Variants in BOD1L1 observed in about 807,000 individuals in gnomAD.
BOD1L1 encodes the protein biorientation of chromosomes in cell division protein 1-like 1.
A neutral mutation model predicts 240.7 loss-of-function variants in BOD1L1; 86 were observed. The ratio of observed to expected loss-of-function variants is 0.36; its 90% CI spans 0.30 to 0.43. The LOEUF (loss-of-function observed/expected upper bound fraction) is 0.43. Ranked by LOEUF, BOD1L1 falls within the 20% of genes least tolerant of loss-of-function variation. The pLI, the probability that BOD1L1 is intolerant of heterozygous loss-of-function variation, is 1.00. For synonymous variants in BOD1L1, 1,268 were observed against 1,272.3 expected (o/e 1.00, Z 0.07); for missense variants, 3,554 against 3,643.5 (o/e 0.98, Z 0.63).
rs1234679303 is a variant in BOD1L1, at chr4:13,591,912, C to A, written c.8148+11G>T. ...ATAACCACAAAAATCAAAACCATTA[C>A]AGTGACTTACATTTAGTGATTCATT... On this transcript the variant is annotated intron_variant, in intron 13 of 25. Transcript: ENST00000040738. 4 of 1,547,286 alleles carry A rather than the reference C, an allele frequency of 2.6e-6. No homozygotes were observed. The highest frequency in any genetic ancestry group is 2.6e-6 in the Non-Finnish European group (3 of 1,146,160).
intron 6 of BOD1L1, 50 bp from the exon 7 acceptor site, chr4:13,609,456 A>C: frequency 8.4e-7 from 1 of 1,184,382 alleles, no homozygotes; most frequent in Non-Finnish European, 1.1e-6. Flanking sequence ...GCAAAAACAC[A>C]CTGAAAAATT....
rs1713280805 is a variant in BOD1L1 at position 13,582,128 on chromosome 4, A to C, written c.8592+109T>G. ...TGTTCCATTGCACTAAAAAAACCGC[A>C]GCTTCTTCAAAGTACTTAAGAAAAA... is the stretch of plus-strand genomic sequence containing the variant. On this transcript the variant is annotated intron_variant, in intron 19 of 25. Transcript: ENST00000040738. 5 of 830,368 alleles carry C rather than the reference A, an allele frequency of 6.0e-6. No homozygotes were observed. In the African/African-American group the frequency reaches 8.6e-5, roughly 14 times the overall value. 51.4% of individuals were successfully genotyped at this position (830,368 alleles called of 1,614,324 possible).
At chr4:13,586,968 C>T (rs1713757138) in intron 16 of BOD1L1, among the ~76,000 whole-genome samples, 1 of 152,054 alleles carries the variant, frequency 6.6e-6, no homozygotes, top group South Asian at 2.1e-4. Context: ...TGGATAGTAC[C>T]TGAATACATC....
In BOD1L1 at chr4:13,584,441, AGTGTGT is replaced by A. The variant is rs36096107; in HGVS notation, c.8434-1711_8434-1706del. Reference sequence around the variant, plus strand: ...GTGGCGGGGAGAGAAAGAGAGAGAGAGTGTGTGTGTGTGTGTGTGTGTGTGTGTGTG... The same window carrying A: ...GTGGCGGGGAGAGAAAGAGAGAGAGAGTGTGTGTGTGTGTGTGTGTGTGTG... On this transcript the variant is annotated intron_variant, in intron 17 of 25. Coordinates refer to ENST00000040738, the MANE Select transcript of BOD1L1 (RefSeq NM_148894.3). Among the ~76,000 whole-genome samples the A allele has an allele frequency of 9.9e-3, 1,338 of 134,872 alleles. 14 individuals carry two copies. The highest frequency in any genetic ancestry group is 0.035 in the East Asian group (153 of 4,358). The allele number at this position is 134,872 out of a possible 152,430, so 88.5% of individuals were successfully genotyped here.
At chr4:13,611,231 G>A in intron 5 of BOD1L1, 131 bp from the exon 6 acceptor site, 1 of 588,438 alleles carries the variant, frequency 1.7e-6, no homozygotes, top group Non-Finnish European at 2.8e-6. Context: ...GAAGATTTCA[G>A]AAATTGACTT....
chr4:13,627,679 A>G lies in BOD1L1; in HGVS notation c.-92T>C. The G allele has an allele frequency of 1.0e-6, 1 of 1,000,204 alleles. No individual in the cohort carries two copies. The allele number at this position is 1,000,204 out of a possible 1,614,324, so 62.0% of individuals were successfully genotyped here. On this transcript the variant is annotated 5_prime_UTR_variant, in exon 1 of 26. Transcript: ENST00000040738. ...TGGTCCCGCCGCCTGAGGGAAGCCA[A>G]CGGGATGTTGTTACGGAACCAGCGG...
chr4:13,616,311 C>T (rs913931603), intron 2 of BOD1L1, among the ~76,000 whole-genome samples: 2 of 152,010 alleles, frequency 1.3e-5, no homozygotes, highest in African/African-American at 4.8e-5. Flanking sequence ...TTAGATATGT[C>T]GAAGATAATT....
At position 13,602,363 on chromosome 4, in the gene BOD1L1, C is replaced by T. The variant is rs1715267245; in HGVS notation, c.4537G>A (p.Glu1513Lys). 2.5e-6 allele frequency: 4 copies of T among 1,613,958 alleles called. No homozygotes were observed. Among genetic ancestry groups the T allele is most frequent in the Non-Finnish European group, 3.4e-6 (4 of 1,179,866 alleles). ...GTACTAGTGGCAACAGAAGTCTTTT[C>T]TGCTCTCCTAGGCCCAGTTGCCACA... ...EDVATGPRRA[E>K]KTSVATSTEG... Residue 1513 changes from glutamate to lysine, a missense_variant, in exon 10 of 26, where the codon GAA becomes AAA. Glu to Lys is a moderately conservative substitution (Grantham distance 56). Coordinates refer to ENST00000040738, the MANE Select transcript of BOD1L1 (RefSeq NM_148894.3).
At chr4:13,587,615 T>G (rs775640014) in intron 16 of BOD1L1, 84 bp downstream of exon 16, 33 of 1,025,816 alleles carry the variant, frequency 3.2e-5, no homozygotes, top group Non-Finnish European at 4.4e-5. Context: ...TCCTCAAAAA[T>G]TCTCTATGTT....
At chr4:13,579,342 C>A (rs558622363) in intron 22 of BOD1L1, among the ~76,000 whole-genome samples, 2 of 152,234 alleles carry the variant, frequency 1.3e-5, no homozygotes, top group South Asian at 2.1e-4. Context: ...AATAAATGAA[C>A]CTTAATTTAC....
At position 13,577,590 on chromosome 4, in the gene BOD1L1, T is replaced by C. The variant is rs1712866786; in HGVS notation, c.8791A>G (p.Ile2931Val). 6.4e-7 allele frequency: 1 copy of C among 1,571,488 alleles called. No individual in the cohort carries two copies. Among genetic ancestry groups the C allele is most frequent in the Non-Finnish European group, 8.7e-7 (1 of 1,153,678 alleles). Residue 2931 changes from isoleucine (I) to valine (V), a missense_variant, in exon 23 of 26, where the codon ATA becomes GTA. Transcript: ENST00000040738. ...KETANLQERS[I>V]SNDDGEEKIV... is the part of the protein sequence containing the mutation. ...AGAAATTTAACACTTACATTGCTTA[T>C]ACTTCTTTCTTGTAGGTTAGCTGTT...
rs569681812 is a variant in BOD1L1, at chr4:13,601,443, A to G, written c.5457T>C (p.Ser1819=). The part of the protein sequence containing the change: ...SEDSSEGFAI[S]SESEENGESA... ...TCTCTCCATTTTCTTCCGATTCAGA[A>G]CTTATAGCAAAGCCTTCGCTGCTAT... is the stretch of plus-strand genomic sequence containing the variant. Residue 1819 remains serine (S), a synonymous_variant, in exon 10 of 26, where the codon AGT becomes AGC. Coordinates refer to ENST00000040738, the MANE Select transcript of BOD1L1 (RefSeq NM_148894.3). 14 of 1,613,998 alleles carry G rather than the reference A, an allele frequency of 8.7e-6. No individual in the cohort carries two copies. In the Admixed American group the frequency reaches 2.3e-4, roughly 27 times the overall value.
rs190631922 is a variant in BOD1L1, at chr4:13,602,723, C to T, written c.4177G>A (p.Val1393Met). Reference protein sequence around the residue: ...IMPLGSKLTGVIVENENITKE... With the variant: ...IMPLGSKLTGMIVENENITKE... ...GTAATATTCTCATTTTCCACAATCA[C>T]GCCCGTTAACTTACTTCCAAGAGGC... is the stretch of plus-strand genomic sequence containing the variant. Residue 1393 changes from valine to methionine, a missense_variant, in exon 10 of 26, where the codon GTG becomes ATG. Physicochemically the swap from Val to Met is conservative, Grantham distance 21. Around this residue, in one of 2 missense-constraint regions of BOD1L1, gnomAD observed 3,393 missense variants for 3,427.1 expected, o/e 0.99. Coordinates refer to ENST00000040738, the MANE Select transcript of BOD1L1 (RefSeq NM_148894.3). 3.4e-5 allele frequency: 55 copies of T among 1,613,998 alleles called. No individual in the cohort carries two copies. The East Asian group carries it at 9.1e-4, about 27-fold the overall frequency.
rs754171934 is a variant in BOD1L1, at chr4:13,577,435, G to A, written c.8852C>T (p.Pro2951Leu). ...ATCTGATACAGTGAGAGAACGTTTG[G>A]GTTTTCTTCCTCTCCGACGCACACT... ...VTSVRRRGRK[P>L]KRSLTVSDDA... The change falls in exon 24 of 26, where the codon CCC becomes CTC. Residue 2951 changes from proline to leucine, a missense_variant. Transcript: ENST00000040738. 3.0e-5 allele frequency: 48 copies of A among 1,613,552 alleles called. No individual in the cohort carries two copies. The highest frequency in any genetic ancestry group is 1.6e-4 in the Middle Eastern group (1 of 6,082).
intron 18 of BOD1L1, 53 bp from the exon 19 acceptor site, chr4:13,582,363 C>T (rs1713302466): frequency 2.2e-6 from 3 of 1,394,400 alleles, no homozygotes; most frequent in Non-Finnish European, 2.0e-6. Context: ...TCAGCCTTCC[C>T]CACCTTTACC....
intron 2 of BOD1L1, among the ~76,000 whole-genome samples, chr4:13,616,310 T>G (rs1716591013): frequency 6.6e-6 from 1 of 152,174 alleles, no homozygotes; most frequent in Non-Finnish European, 1.5e-5. Context: ...ATTAGATATG[T>G]CGAAGATAAT....
Position 13,613,499 on chromosome 4 carries a change from T to A in BOD1L1, c.1324+13A>T. On this transcript the variant is annotated intron_variant, in intron 5 of 25. Transcript: ENST00000040738. This position sits in a 1 kb window ranked among gnomAD's most constrained non-coding sequence, Gnocchi z 4.0. ...AGGATGCTTCAGAGGCATTATTATGTAAAATGCTTTACCATCTGACGTAAT... is the reference window on the plus strand; with the variant it reads ...AGGATGCTTCAGAGGCATTATTATGAAAAATGCTTTACCATCTGACGTAAT... The A allele has an allele frequency of 6.2e-7, 1 of 1,607,730 alleles. No individual in the cohort carries two copies. The highest frequency in any genetic ancestry group is 8.5e-7 in the Non-Finnish European group (1 of 1,175,876).
intron 2 of BOD1L1, among the ~76,000 whole-genome samples, chr4:13,616,020 T>A (rs1173633332): frequency 6.6e-6 from 1 of 152,148 alleles, no homozygotes. Context: ...AGGAAAACTT[T>A]AGAGAAAAAA....
intron 16 of BOD1L1, 66 bp from the exon 17 acceptor site, chr4:13,586,541 C>A: frequency 9.2e-7 from 1 of 1,084,834 alleles, no homozygotes; most frequent in Non-Finnish European, 1.4e-6. Context: ...ATGCATAGTT[C>A]TATTTTAAGA....
Sources: allele counts gnomAD v4.1 joint callset (sites outside exome capture counted in the v4.1 genomes callset), GRCh38; gene constraint gnomAD v4.1.1; regional missense constraint gnomAD v4.1.1; non-coding constraint Gnocchi (gnomAD v3.1); transcripts MANE v1.5; gene names NCBI Gene and HGNC (gene_info 2026-07-23, HGNC 2026-07-21).